Variants in SHISA6 observed in about 807,000 individuals in gnomAD.
SHISA6 encodes the protein protein shisa-6.
Under a neutral mutation model 47.9 loss-of-function variants are expected in SHISA6, and 22 were observed. The ratio of observed to expected loss-of-function variants is 0.46; its 90% CI spans 0.33 to 0.66. The LOEUF is 0.66. Among genes scored for constraint, SHISA6 ranks in the 30% least tolerant of loss-of-function variants. The pLI is 0.02. For synonymous variants in SHISA6, 388 were observed against 337.8 expected, an observed-to-expected ratio of 1.15 and a Z score of -1.63; for missense variants, 680 against 764.6, an observed-to-expected ratio of 0.89 and a Z score of 1.30.
intron 3 of SHISA6, among the ~76,000 whole-genome samples, chr17:11,395,005 T>C (rs533204045): frequency 2.8e-3 from 404 of 143,576 alleles, no homozygotes; most frequent in African/African-American, 7.9e-3. Context: ...TTTCTTTTTT[T>C]TTTTTTTTTT....
intron 2 of SHISA6, among the ~76,000 whole-genome samples, chr17:11,306,761 GT>G (rs1910123114): frequency 1.3e-5 from 2 of 152,130 alleles, no homozygotes; most frequent in South Asian, 4.1e-4. Flanking sequence ...CTTGCTTCCT[GT>G]CAGTTCCATG....
At chr17:11,454,973 T>C (rs1466094920) in intron 3 of SHISA6, among the ~76,000 whole-genome samples, 1 of 151,846 alleles carries the variant, frequency 6.6e-6, no homozygotes, top group Non-Finnish European at 1.5e-5. Context: ...ATCAAGACCA[T>C]TCTGGCTAAC....
At chr17:11,345,308 C>T (rs957810039) in intron 2 of SHISA6, among the ~76,000 whole-genome samples, 5 of 151,944 alleles carry the variant, frequency 3.3e-5, no homozygotes, top group African/African-American at 9.7e-5. Flanking sequence ...GGATAAATAC[C>T]CAGTAGTGGG....
intron 3 of SHISA6, 41 bp downstream of exon 3, chr17:11,379,550 C>G (rs1014046909): frequency 7.3e-7 from 1 of 1,361,554 alleles, no homozygotes; most frequent in Non-Finnish European, 1.0e-6. Flanking sequence ...CAGAGGTTGC[C>G]TAGGGAACGC....
At chr17:11,465,535 TGGGA>T (rs1378429820) in intron 3 of SHISA6, among the ~76,000 whole-genome samples, 12 of 152,182 alleles carry the variant, frequency 7.9e-5, no homozygotes, top group African/African-American at 2.9e-4. Flanking sequence ...CCCAGGTAGC[TGGGA>T]CCAGGTTGCT....
chr17:11,431,795 CAACAAAAACAA>C (rs1213385889), intron 3 of SHISA6, among the ~76,000 whole-genome samples: 9 of 152,164 alleles, frequency 5.9e-5, no homozygotes, highest in Non-Finnish European at 8.8e-5. Flanking sequence ...GTTAAAAACA[CAACAAAAACAA>C]AACAAAAACA....
At chr17:11,492,846 A>G (rs1240922065) in intron 3 of SHISA6, among the ~76,000 whole-genome samples, 1 of 151,922 alleles carries the variant, frequency 6.6e-6, no homozygotes, top group Non-Finnish European at 1.5e-5. Context: ...CCCTCTCATC[A>G]TGTTGCTTGT....
At chr17:11,494,985 G>A (rs780310739) in intron 3 of SHISA6, among the ~76,000 whole-genome samples, 1 of 152,180 alleles carries the variant, frequency 6.6e-6, no homozygotes, top group Non-Finnish European at 1.5e-5. Flanking sequence ...CCTACCTCCT[G>A]ATGACAATGG....
At chr17:11,454,555 A>G (rs564624680) in intron 3 of SHISA6, among the ~76,000 whole-genome samples, 40 of 152,226 alleles carry the variant, frequency 2.6e-4, no homozygotes, top group South Asian at 8.3e-4. Flanking sequence ...TGCACAGTCA[A>G]TTAGCCTCCT....
chr17:11,542,257 T>C (rs1426962974), intron 3 of SHISA6, among the ~76,000 whole-genome samples: 1 of 147,612 alleles, frequency 6.8e-6, no homozygotes, highest in African/African-American at 2.5e-5. Flanking sequence ...GGAGCAGCAA[T>C]ACAATAAATG....
At chr17:11,252,788 G>C (rs912338032) in intron 1 of SHISA6, among the ~76,000 whole-genome samples, 8 of 152,286 alleles carry the variant, frequency 5.3e-5, no homozygotes, top group African/African-American at 7.2e-5. Flanking sequence ...AGGGCATGTG[G>C]CTGGCTCAAA....
intron 2 of SHISA6, among the ~76,000 whole-genome samples, chr17:11,328,215 C>G (rs1422837936): frequency 6.6e-6 from 1 of 152,198 alleles, no homozygotes; most frequent in Non-Finnish European, 1.5e-5. Context: ...TCGGGCCACA[C>G]ACATGACTGC....
At chr17:11,289,122 T>C (rs1363092423) in intron 2 of SHISA6, 1 of 152,200 alleles carries the variant, frequency 6.6e-6, no homozygotes, top group Non-Finnish European at 1.5e-5. Flanking sequence ...TTAAGATTTA[T>C]TTTTAAATTG....
At chr17:11,423,874 A>G (rs1041015435) in intron 3 of SHISA6, among the ~76,000 whole-genome samples, 1 of 152,228 alleles carries the variant, frequency 6.6e-6, no homozygotes, top group African/African-American at 2.4e-5. Flanking sequence ...AAAGAACCAA[A>G]TACAACATCT....
intron 4 of SHISA6, among the ~76,000 whole-genome samples, chr17:11,552,248 A>G (rs1041792143): frequency 6.6e-6 from 1 of 152,234 alleles, no homozygotes; most frequent in Non-Finnish European, 1.5e-5. Context: ...CATAAATTCC[A>G]TATGTCCACA....
intron 3 of SHISA6, among the ~76,000 whole-genome samples, chr17:11,505,476 G>T (rs1192339448): frequency 6.6e-6 from 1 of 152,216 alleles, no homozygotes; most frequent in East Asian, 1.9e-4. Flanking sequence ...TTTCTTAAGA[G>T]CCTACCTACT....
chr17:11,295,741 G>A (rs1044449477), intron 2 of SHISA6, among the ~76,000 whole-genome samples: 3 of 152,070 alleles, frequency 2.0e-5, no homozygotes, highest in South Asian at 2.1e-4. Flanking sequence ...AGGCAGGCAG[G>A]TCATGAGGTC....
chr17:11,323,879 T>G (rs1910790906), intron 2 of SHISA6, among the ~76,000 whole-genome samples: 1 of 152,036 alleles, frequency 6.6e-6, no homozygotes, highest in South Asian at 2.1e-4. Context: ...GTAAACAGCT[T>G]TATTGAGATA....
At chr17:11,477,423 C>CT (rs921352602) in intron 3 of SHISA6, among the ~76,000 whole-genome samples, 13 of 151,826 alleles carry the variant, frequency 8.6e-5, no homozygotes, top group African/African-American at 3.1e-4. Context: ...AGTTAAACTA[C>CT]TTTTTTTTAT....
Sources: gnomAD v4.1 joint callset for allele counts (sites outside exome capture counted in the v4.1 genomes callset) on GRCh38, gnomAD v4.1.1 for gene constraint, MANE v1.5 for transcripts, NCBI Gene and HGNC (gene_info 2026-07-23, HGNC 2026-07-21) for gene names.